ADCY5: variants seen among roughly 807,000 people sequenced by gnomAD.
ADCY5 encodes adenylate cyclase 5.
ADCY5 carries 30 observed loss-of-function variants against 119.7 expected under a neutral mutation model. The observed-to-expected ratio is 0.25, with a 90% confidence interval of 0.19 to 0.34. The LOEUF (loss-of-function observed/expected upper bound fraction) is 0.34, where lower values mean the gene tolerates loss of function less well. Ranked by LOEUF, ADCY5 falls within the 10% of genes least tolerant of loss-of-function variation. ADCY5 has a pLI of 1.00. For missense variants in ADCY5, 1,324 were observed against 1,775.2 expected, an observed-to-expected ratio of 0.75 and a Z score of 4.57; for synonymous variants, 753 against 762.2, an observed-to-expected ratio of 0.99 and a Z score of 0.20.
intron 1 of ADCY5, among the ~76,000 whole-genome samples, chr3:123,399,673 A>T (rs1002326748): frequency 6.6e-6 from 1 of 152,218 alleles, no homozygotes; most frequent in African/African-American, 2.4e-5. Context: ...TCTTCGATAG[A>T]TACCTCCAAT....
At position 123,395,078 on chromosome 3, in the gene ADCY5, G is replaced by A. The variant is rs73186501; in HGVS notation, c.1135-42497C>T. 2.9e-3 allele frequency among the ~76,000 whole-genome samples: 448 copies of A among 152,290 alleles called. 3 individuals are homozygous for A. Among genetic ancestry groups the A allele is most frequent in the Non-Finnish European group, 4.2e-3 (284 of 68,022 alleles). On this transcript the variant is annotated intron_variant, in intron 1 of 20. Coordinates refer to ENST00000462833, the MANE Select transcript of ADCY5 (RefSeq NM_183357.3). ...CCACTTTTGGTGGGCCTTGTGTGAT[G>A]TGCAGAAGGGCTCCCTAACTCTCAA...
intron 19 of ADCY5, 111 bp downstream of exon 19, chr3:123,289,639 C>A (rs1939012611): frequency 5.3e-6 from 7 of 1,311,100 alleles, no homozygotes; most frequent in African/African-American, 1.4e-5. Flanking sequence ...TGCCGCCTGG[C>A]CTTCTACCTT....
At chr3:123,329,332 G>A (rs1339849554) in intron 5 of ADCY5, among the ~76,000 whole-genome samples, 1 of 152,104 alleles carries the variant, frequency 6.6e-6, no homozygotes, top group African/African-American at 2.4e-5. Context: ...GCTCAGGAGG[G>A]AAGGGGAGCC....
At chr3:123,357,231 A>T (rs1202702121) in intron 1 of ADCY5, among the ~76,000 whole-genome samples, 10 of 152,104 alleles carry the variant, frequency 6.6e-5, no homozygotes, top group Middle Eastern at 3.2e-3. Flanking sequence ...TATGTAAATT[A>T]TACCTTAATT....
At chr3:123,297,241 C>T in intron 16 of ADCY5, 112 bp downstream of exon 16, 1 of 1,479,940 alleles carries the variant, frequency 6.8e-7, no homozygotes, top group Non-Finnish European at 9.4e-7. Context: ...TGGCCTTCTC[C>T]TTCACTACCC....
Position 123,347,847 on chromosome 3 carries a change from G to A in ADCY5, c.1341C>T (p.Asp447=), listed in dbSNP as rs982963000. 8 of 1,613,962 alleles carry A rather than the reference G, an allele frequency of 5.0e-6. No homozygotes were observed. The highest frequency in any genetic ancestry group is 6.8e-6 in the Non-Finnish European group (8 of 1,180,014). Residue 447 remains aspartate, a synonymous_variant, in exon 3 of 21, where the codon GAC becomes GAT. Transcript: ENST00000462833. ...TCATATCCTCCTGCTTGGCGTTGATGTCTGCTTTCATCTCCATGGCAACAT... is the reference window on the plus strand; with the variant it reads ...TCATATCCTCCTGCTTGGCGTTGATATCTGCTTTCATCTCCATGGCAACAT... ...PRHVAMEMKA[D]INAKQEDMMF... is the part of the protein sequence containing the mutation.
chr3:123,383,385 T>C (rs1475050490), intron 1 of ADCY5, among the ~76,000 whole-genome samples: 1 of 152,202 alleles, frequency 6.6e-6, no homozygotes, highest in Non-Finnish European at 1.5e-5. Flanking sequence ...GGCCGTGCAC[T>C]TGAGGCAAGC....
intron 12 of ADCY5, among the ~76,000 whole-genome samples, chr3:123,310,377 T>C (rs1940496548): frequency 6.6e-6 from 1 of 151,940 alleles, no homozygotes; most frequent in South Asian, 2.1e-4. Flanking sequence ...GGGAGTCCAG[T>C]GGAACATGTG....
At chr3:123,319,933 T>C in intron 9 of ADCY5, 115 bp from the exon 10 acceptor site, 1 of 1,392,026 alleles carries the variant, frequency 7.2e-7, no homozygotes, top group East Asian at 2.4e-5. Context: ...CTGTCCACCA[T>C]CAGCCCAATC....
intron 1 of ADCY5, among the ~76,000 whole-genome samples, chr3:123,357,075 T>C (rs951940455): frequency 1.3e-4 from 20 of 152,048 alleles, no homozygotes; most frequent in Admixed American, 6.6e-5. Context: ...CAGGGAGCAG[T>C]GGGTAGGGCT....
chr3:123,348,541 G>T (rs570205137), intron 2 of ADCY5, among the ~76,000 whole-genome samples: 1 of 152,266 alleles, frequency 6.6e-6, no homozygotes, highest in East Asian at 1.9e-4. Context: ...CCTGGAGACT[G>T]GAAGGATGGG....
chr3:123,384,505 C>T (rs1478697453), intron 1 of ADCY5, among the ~76,000 whole-genome samples: 1 of 152,216 alleles, frequency 6.6e-6, no homozygotes, highest in Non-Finnish European at 1.5e-5. Context: ...CCTTTATATA[C>T]ATTACCTCGG....
intron 17 of ADCY5, among the ~76,000 whole-genome samples, chr3:123,292,117 G>T (rs1449112408): frequency 2.0e-5 from 3 of 152,230 alleles, no homozygotes; most frequent in Non-Finnish European, 4.4e-5. Flanking sequence ...AAGGGAAGAG[G>T]TGTCACACAC....
rs781574023 is a variant in ADCY5 at position 123,406,910 on chromosome 3, C to T, written c.1134+40502G>A. On this transcript the variant is annotated intron_variant, in intron 1 of 20. Transcript: ENST00000462833. ...AGCACACCCACCCTGCAGGCCAAGC[C>T]GCCGCCACTGCTCCTGCTCCTATGG... 6.6e-5 allele frequency among the ~76,000 whole-genome samples: 10 copies of T among 152,270 alleles called. No individual in the cohort carries two copies. The South Asian group carries it at 1.2e-3, about 19-fold the overall frequency.
rs1003462457 is a variant in ADCY5, at chr3:123,448,091, C to T, written c.455G>A (p.Arg152His). The stretch of plus-strand genomic sequence containing the variant: ...CAGACCCACCTCCACCGAGCGAGGG[C>T]GCACCTCCGTCCCGCCCGCCGAGGC... ...AAASAGGTEVRPRSVEVGLEE... is the reference protein window; with the variant it reads ...AAASAGGTEVHPRSVEVGLEE... The change falls in exon 1 of 21, where the codon CGC becomes CAC. Residue 152 changes from arginine (R) to histidine (H), a missense_variant. Arg to His is a conservative substitution (Grantham distance 29, BLOSUM62 0). This residue lies in a region of ADCY5 where 585 missense variants were observed against 569.9 expected (regional missense o/e 1.03). Transcript: ENST00000462833. 20 of 1,201,334 alleles carry T rather than the reference C, an allele frequency of 1.7e-5. No individual in the cohort carries two copies. Among genetic ancestry groups the T allele is most frequent in the Non-Finnish European group, 2.1e-5 (20 of 967,026 alleles). The allele number at this position is 1,201,334 out of a possible 1,614,324, so 74.4% of individuals were successfully genotyped here.
intron 1 of ADCY5, among the ~76,000 whole-genome samples, chr3:123,412,705 C>A (rs941530791): frequency 6.6e-6 from 1 of 152,070 alleles, no homozygotes; most frequent in Admixed American, 6.5e-5. Flanking sequence ...TCCAACTCCC[C>A]CATCCCTCAT....
At chr3:123,396,059 AGGGTGGG>A in intron 1 of ADCY5, among the ~76,000 whole-genome samples, 1 of 31,146 alleles carries the variant, frequency 3.2e-5, no homozygotes, top group Non-Finnish European at 5.7e-5. Context: ...AGAGGGAGGG[AGGGTGGG>A]AGGGAGAGGG....
At chr3:123,329,819 G>A (rs1259676694) in intron 5 of ADCY5, among the ~76,000 whole-genome samples, 1 of 152,120 alleles carries the variant, frequency 6.6e-6, no homozygotes, top group Non-Finnish European at 1.5e-5. Flanking sequence ...GAATCAACTT[G>A]GTAAATACCT....
chr3:123,440,530 T>C (rs765306723), intron 1 of ADCY5, among the ~76,000 whole-genome samples: 1 of 150,982 alleles, frequency 6.6e-6, no homozygotes, highest in Non-Finnish European at 1.5e-5. Context: ...TTCCAAGTCC[T>C]TACCCTCCTC....
Sources: gnomAD v4.1 joint callset for allele counts (sites outside exome capture counted in the v4.1 genomes callset) on GRCh38, gnomAD v4.1.1 for gene constraint, gnomAD v4.1.1 regional missense constraint, MANE v1.5 for transcripts, NCBI Gene and HGNC (gene_info 2026-07-23, HGNC 2026-07-21) for gene names.